Variants in MAF observed in about 807,000 individuals in gnomAD.
MAF encodes transcription factor Maf.
MAF carries 10 observed loss-of-function variants against 22.0 expected under a neutral mutation model. The observed-to-expected ratio is 0.45, with a 90% CI of 0.28 to 0.77. MAF has a LOEUF of 0.77. Ranked by LOEUF, MAF falls within the 30% of genes least tolerant of loss-of-function variation. The pLI is 0.12. For synonymous variants in MAF, 337 were observed against 255.8 expected, an observed-to-expected ratio of 1.32 and a Z score of -3.03; for missense variants, 544 against 548.4, an observed-to-expected ratio of 0.99 and a Z score of 0.08.
At chr16:79,400,403 A>C in the MAF span, among the ~76,000 whole-genome samples, 1 of 152,266 alleles carries the variant, frequency 6.6e-6, no homozygotes, top group Non-Finnish European at 1.5e-5. Context: ...TGGAATAAGG[A>C]GAATTCCAAC....
chr16:79,300,554 AAAAC>A, the MAF span, among the ~76,000 whole-genome samples: 36,074 of 151,080 alleles, frequency 0.24, 4,522 homozygotes, highest in Middle Eastern at 0.33. Flanking sequence ...ACTCCATCTC[AAAAC>A]AAACAAACAA....
chr16:79,550,516 C>G, the MAF span, among the ~76,000 whole-genome samples: 2 of 152,118 alleles, frequency 1.3e-5, no homozygotes, highest in African/African-American at 4.8e-5. Context: ...CCATGTGACC[C>G]ATTGGGACAG....
Position 79,594,427 on chromosome 16 carries a change from GA to G in MAF, c.*32del, listed in dbSNP as rs148849596. 123,486 of 1,529,704 alleles carry G rather than the reference GA, an allele frequency of 0.081. 5,585 individuals are homozygous for G. The highest frequency in any genetic ancestry group is 0.12 in the Middle Eastern group (694 of 5,968). 94.8% of individuals were successfully genotyped at this position (1,529,704 alleles called of 1,614,324 possible). On this transcript the variant is annotated 3_prime_UTR_variant, in exon 2 of 2. Transcript: ENST00000326043. ...GACTGCAAATAATAATAATAATGAT[GA>G]TTTTTTTTAATGTACAGCTCTCACA...
chr16:79,531,768 T>A, the MAF span, among the ~76,000 whole-genome samples: 3 of 152,134 alleles, frequency 2.0e-5, no homozygotes, highest in African/African-American at 7.2e-5. Flanking sequence ...CACGCACTCA[T>A]CACTCTTTCT....
intron 1 of MAF, among the ~76,000 whole-genome samples, chr16:79,588,123 GGAGCATGCACT>G (rs1167768485): frequency 6.6e-6 from 1 of 152,186 alleles, no homozygotes; most frequent in Non-Finnish European, 1.5e-5. Context: ...AAATAGTACA[GGAGCATGCACT>G]GATATTCCAG....
At chr16:79,381,297 T>C in the MAF span, among the ~76,000 whole-genome samples, 26 of 152,356 alleles carry the variant, frequency 1.7e-4, no homozygotes, top group East Asian at 5.0e-3. Flanking sequence ...ACATTATGCA[T>C]TTCTGTGAGA....
chr16:79,324,385 A>T, the MAF span, among the ~76,000 whole-genome samples: 1 of 152,038 alleles, frequency 6.6e-6, no homozygotes, highest in Non-Finnish European at 1.5e-5. Context: ...AGGAGGTGAA[A>T]TCTGTGTGTA....
At chr16:79,450,260 G>A in the MAF span, among the ~76,000 whole-genome samples, 1 of 152,212 alleles carries the variant, frequency 6.6e-6, no homozygotes, top group South Asian at 2.1e-4. Context: ...GATTGTTTAG[G>A]TCATTTTCAG....
At chr16:79,364,135 A>C in the MAF span, among the ~76,000 whole-genome samples, 1 of 152,210 alleles carries the variant, frequency 6.6e-6, no homozygotes, top group African/African-American at 2.4e-5. Context: ...GTAGTGTCCT[A>C]CATGCCCTAA....
the MAF span, among the ~76,000 whole-genome samples, chr16:79,502,776 G>C: frequency 7.4e-6 from 1 of 134,440 alleles, no homozygotes; most frequent in Non-Finnish European, 1.5e-5. Flanking sequence ...AGCTCAATGA[G>C]GGTTTGCCTG....
At chr16:79,242,574 A>G in the MAF span, among the ~76,000 whole-genome samples, 1 of 151,934 alleles carries the variant, frequency 6.6e-6, no homozygotes, top group South Asian at 2.1e-4. Flanking sequence ...GAGACCTACA[A>G]GGAGACTTAG....
chr16:79,552,399 A>T, the MAF span, among the ~76,000 whole-genome samples: 1 of 152,040 alleles, frequency 6.6e-6, no homozygotes, highest in Non-Finnish European at 1.5e-5. Flanking sequence ...TGTAGAGATG[A>T]GATCTTGCTA....
the MAF span, among the ~76,000 whole-genome samples, chr16:79,302,437 T>A: frequency 6.6e-6 from 1 of 152,184 alleles, no homozygotes; most frequent in Non-Finnish European, 1.5e-5. Flanking sequence ...CGTTAATACC[T>A]TGTGCCAGAA....
the MAF span, among the ~76,000 whole-genome samples, chr16:79,405,547 G>A: frequency 2.0e-4 from 31 of 152,296 alleles, no homozygotes; most frequent in African/African-American, 6.3e-4. Flanking sequence ...TCCCAGGGAG[G>A]AAAGCATGGT....
At chr16:79,256,421 A>G in the MAF span, among the ~76,000 whole-genome samples, 1 of 152,146 alleles carries the variant, frequency 6.6e-6, no homozygotes, top group Admixed American at 6.6e-5. Flanking sequence ...ATTTCAGGTG[A>G]GTTAGCGGGT....
At chr16:79,412,945 G>T in the MAF span, among the ~76,000 whole-genome samples, 1 of 152,232 alleles carries the variant, frequency 6.6e-6, no homozygotes, top group African/African-American at 2.4e-5. Flanking sequence ...GGGATTATCA[G>T]GGTCAGCATC....
chr16:79,576,068 T>C, the MAF span, among the ~76,000 whole-genome samples: 2 of 152,048 alleles, frequency 1.3e-5, no homozygotes, highest in Admixed American at 6.6e-5. Flanking sequence ...TAAAAACCTA[T>C]AGGGTTACCC....
At chr16:79,478,617 G>A in the MAF span, among the ~76,000 whole-genome samples, 2 of 152,122 alleles carry the variant, frequency 1.3e-5, no homozygotes, top group Admixed American at 6.5e-5. Context: ...AATCACTTGT[G>A]TACTATCCCC....
At chr16:79,478,941 G>C in the MAF span, among the ~76,000 whole-genome samples, 1 of 151,740 alleles carries the variant, frequency 6.6e-6, no homozygotes, top group African/African-American at 2.4e-5. Context: ...TACCACCCCA[G>C]CACACCTGTA....
Sources: allele counts gnomAD v4.1 joint callset (sites outside exome capture counted in the v4.1 genomes callset), GRCh38; gene constraint gnomAD v4.1.1; transcripts MANE v1.5; gene names NCBI Gene and HGNC (gene_info 2026-07-23, HGNC 2026-07-21).